Variants in TPR observed in about 807,000 individuals in gnomAD.
TPR encodes translocated promoter region, nuclear basket protein.
Under a neutral mutation model 316.1 loss-of-function variants are expected in TPR, and 51 were observed. That is an observed-to-expected ratio of 0.16 (90% CI 0.13 to 0.20). TPR has a LOEUF of 0.20. TPR is among the 10% of genes least tolerant of loss of function. TPR has a pLI of 1.00. For synonymous variants in TPR, 981 were observed against 914.7 expected, an observed-to-expected ratio of 1.07 and a Z score of -1.31; for missense variants, 2,272 against 2,754.8, an observed-to-expected ratio of 0.82 and a Z score of 3.92.
Position 186,367,969 on chromosome 1 carries a change from C to A in TPR, c.344G>T (p.Arg115Ile). The change falls in exon 4 of 51, where the codon AGA becomes ATA. Residue 115 changes from arginine (R) to isoleucine (I), a missense_variant. This residue lies in a region of TPR where 549 missense variants were observed against 598.6 expected (regional missense o/e 0.92). Transcript: ENST00000367478. ...CTCAGCTTCTAATTCTTCCTTTGTT[C>A]TTGTAAATTGGCTCTGTCATATAAA... ...RNIAIQSQFTRTKEELEAEKR... is the reference protein window; with the variant it reads ...RNIAIQSQFTITKEELEAEKR... 1 of 1,609,584 alleles carries A rather than the reference C, an allele frequency of 6.2e-7. No individual in the cohort carries two copies. The highest frequency in any genetic ancestry group is 1.1e-5 in the South Asian group (1 of 91,012).
intron 40 of TPR, 53 bp from the exon 41 acceptor site, chr1:186,326,288 C>A: frequency 6.5e-7 from 1 of 1,549,976 alleles, no homozygotes; most frequent in Non-Finnish European, 8.7e-7. Flanking sequence ...GGCCCACATG[C>A]TCTGCATGTC....
At chr1:186,318,348 AC>A (rs1427473541) in intron 48 of TPR, 98 bp downstream of exon 48, 2 of 1,473,646 alleles carry the variant, frequency 1.4e-6, no homozygotes, top group Non-Finnish European at 1.8e-6. Flanking sequence ...ACAAAAAAAA[AC>A]AAAACACAAC....
chr1:186,361,298 ATT>A (rs1410439701), intron 9 of TPR, among the ~76,000 whole-genome samples: 1 of 152,002 alleles, frequency 6.6e-6, no homozygotes, highest in African/African-American at 2.4e-5. Flanking sequence ...AGGATGTCTT[ATT>A]TATAAAGTAA....
rs1657929104 is a variant in TPR, at chr1:186,326,270, T to G, written c.5890-35A>C. On this transcript the variant is annotated intron_variant, in intron 40 of 50. Transcript: ENST00000367478. Reference sequence around the variant, plus strand: ...AGTTCCCCAGGCATAAATAAAAGTTTAGAATATGGCCCACATGCTCTGCAT... The same window carrying G: ...AGTTCCCCAGGCATAAATAAAAGTTGAGAATATGGCCCACATGCTCTGCAT... The G allele has an allele frequency of 2.5e-6, 4 of 1,571,778 alleles. No homozygotes were observed. The African/African-American group carries it at 5.4e-5, about 21-fold the overall frequency.
Position 186,318,834 on chromosome 1 carries a change from G to C in TPR, c.6569-6C>G, listed in dbSNP as rs777067069. On this transcript the variant is annotated splice_polypyrimidine_tract_variant and splice_region_variant and intron_variant, in intron 46 of 50. Transcript: ENST00000367478. ...TGTTTCATACATTCCTAAACCTAAA[G>C]ACAATTCTGAATATTAATGAATGAC... 11 of 1,611,860 alleles carry C rather than the reference G, an allele frequency of 6.8e-6. No individual in the cohort carries two copies. The East Asian group carries it at 1.1e-4, about 16-fold the overall frequency.
rs1301562645 is a variant in TPR, at chr1:186,327,473, T to C, written c.5876A>G (p.Asp1959Gly). 6.2e-6 allele frequency: 10 copies of C among 1,610,188 alleles called. No homozygotes were observed. The highest frequency in any genetic ancestry group is 8.5e-6 in the Non-Finnish European group (10 of 1,179,326). Reference sequence around the variant, plus strand: ...AATCAAACTTACCTCATGTTCTCCATCATTTTCATCATCATCCTCTTCTTC... The same window carrying C: ...AATCAAACTTACCTCATGTTCTCCACCATTTTCATCATCATCCTCTTCTTC... ...DDEEEDDDEN[D>G]GEHEDYEEDE... Residue 1959 changes from aspartate to glycine, a missense_variant, in exon 40 of 51, where the codon GAT (aspartate) becomes GGT (glycine). Physicochemically the swap from Asp to Gly is moderately conservative, Grantham distance 94 (BLOSUM62 -1). Around this residue, in one of 10 missense-constraint regions of TPR, gnomAD observed 435 missense variants for 461.1 expected, o/e 0.94. Coordinates refer to ENST00000367478, the MANE Select transcript of TPR (RefSeq NM_003292.3).
At chr1:186,343,105 T>C in intron 27 of TPR, 1 of 428,338 alleles carries the variant, frequency 2.3e-6, no homozygotes. Context: ...AGGCCACAGC[T>C]AATGGTATGA....
At position 186,351,564 on chromosome 1, in the gene TPR, C is replaced by T; in HGVS notation, c.2470-94G>A. ...CAAGAAAGAATTACAATATTACAACCCATTTCTACATGAAGCAGCTAAAAT... is the reference window on the plus strand; with the variant it reads ...CAAGAAAGAATTACAATATTACAACTCATTTCTACATGAAGCAGCTAAAAT... On this transcript the variant is annotated intron_variant, in intron 19 of 50. Coordinates refer to ENST00000367478, the MANE Select transcript of TPR (RefSeq NM_003292.3). 3 of 1,342,528 alleles carry T rather than the reference C, an allele frequency of 2.2e-6. No individual in the cohort carries two copies. The South Asian group carries it at 5.5e-5, about 25-fold the overall frequency. 83.2% of individuals were successfully genotyped at this position (1,342,528 alleles called of 1,614,324 possible). A position where few individuals can be genotyped will look rare whatever the true frequency, so the allele number is the denominator to read the frequency against.
At chr1:186,366,970 T>C (rs1433631351) in intron 4 of TPR, among the ~76,000 whole-genome samples, 1 of 151,486 alleles carries the variant, frequency 6.6e-6, no homozygotes, top group African/African-American at 2.4e-5. Context: ...TGGAATATTA[T>C]TGTATAATGA....
Position 186,313,439 on chromosome 1 carries a change from TA to T in TPR, c.*531del, listed in dbSNP as rs1466449722. On this transcript the variant is annotated 3_prime_UTR_variant, in exon 51 of 51. Transcript: ENST00000367478. ...TGGTTACTCTTTAATGTTTACTTCA[TA>T]AAGGAGAGCTGAACCTGATTTTACA... 5 of 469,422 alleles carry T rather than the reference TA, an allele frequency of 1.1e-5. No individual in the cohort carries two copies. The highest frequency in any genetic ancestry group is 9.7e-5 in the African/African-American group (5 of 51,424). 29.1% of individuals were successfully genotyped at this position (469,422 alleles called of 1,614,324 possible).
intron 5 of TPR, 28 bp downstream of exon 5, chr1:186,363,314 T>C (rs911156228): frequency 6.6e-7 from 1 of 1,514,432 alleles, no homozygotes; most frequent in African/African-American, 1.4e-5. Flanking sequence ...AGCTATAGTT[T>C]ATGCATTAGG....
At chr1:186,349,425 G>A (rs111903500) in intron 21 of TPR, among the ~76,000 whole-genome samples, 28,450 of 151,848 alleles carry the variant, frequency 0.19, 3,033 homozygotes, top group African/African-American at 0.29. Context: ...AGGCCGCGGC[G>A]GGCAGAGCAC....
In TPR at chr1:186,333,273, T is replaced by A. The variant is rs1282991418; in HGVS notation, c.5304A>T (p.Gln1768His). 1.1e-5 allele frequency: 17 copies of A among 1,613,744 alleles called. No individual in the cohort carries two copies. The highest frequency in any genetic ancestry group is 1.4e-5 in the Non-Finnish European group (16 of 1,179,718). The change falls in exon 37 of 51, where the codon CAA becomes CAT. Residue 1768 changes from glutamine (Q) to histidine (H), a missense_variant. Transcript: ENST00000367478. ...SISQPILTVQ[Q>H]QTQATAFVQP... is the part of the protein sequence containing the mutation. ...GCACAAAAGCTGTAGCCTGTGTTTGTTGCTGAACAGTTAAAATAGGTTGAG... is the reference window on the plus strand; with the variant it reads ...GCACAAAAGCTGTAGCCTGTGTTTGATGCTGAACAGTTAAAATAGGTTGAG...
chr1:186,313,727 T>C lies in TPR; in HGVS notation c.*244A>G, dbSNP rs763843974. 1 of 1,610,590 alleles carries C rather than the reference T, an allele frequency of 6.2e-7. No homozygotes were observed. Among genetic ancestry groups the C allele is most frequent in the East Asian group, 2.2e-5 (1 of 44,752 alleles). On this transcript the variant is annotated 3_prime_UTR_variant, in exon 51 of 51. Transcript: ENST00000367478. ...TGCCTAGTAGAACAGCAAGAGCAAT[T>C]ACTACTCGTTCTGGGCAGACCTTAT...
intron 2 of TPR, among the ~76,000 whole-genome samples, chr1:186,372,182 T>C (rs1203850360): frequency 1.3e-5 from 2 of 152,236 alleles, no homozygotes; most frequent in East Asian, 1.9e-4. Context: ...AAAGCTGCAA[T>C]TTTAATCATT....
At chr1:186,353,905 C>A (rs538286411) in intron 17 of TPR, 55 bp from the exon 18 acceptor site, 12 of 1,543,118 alleles carry the variant, frequency 7.8e-6, no homozygotes, top group African/African-American at 1.4e-5. Flanking sequence ...TAGCTTAATC[C>A]CTTGAAGAAA....
chr1:186,368,858 T>G (rs766017960), intron 3 of TPR, among the ~76,000 whole-genome samples: 7 of 152,082 alleles, frequency 4.6e-5, no homozygotes, highest in Non-Finnish European at 7.4e-5. Flanking sequence ...CTATGTTCAC[T>G]TCTCTGAGTT....
At position 186,362,303 on chromosome 1, in the gene TPR, C is replaced by A; in HGVS notation, c.774G>T (p.Leu258Phe). Residue 258 changes from leucine to phenylalanine, a missense_variant, in exon 7 of 51, where the codon TTG becomes TTT. By Grantham distance (22) the Leu-to-Phe change is conservative (BLOSUM62 0). This residue lies in a region of TPR where 549 missense variants were observed against 598.6 expected (regional missense o/e 0.92). Coordinates refer to ENST00000367478, the MANE Select transcript of TPR (RefSeq NM_003292.3). Reference protein sequence around the residue: ...EHLQKHVEDLLTKLKEAKEQQ... With the variant: ...EHLQKHVEDLFTKLKEAKEQQ... ...TCATATATACCTCTTTTAATTTGGT[C>A]AACAGATCCTCCACATGCTTTTGAA... The A allele has an allele frequency of 6.2e-7, 1 of 1,611,836 alleles. No individual in the cohort carries two copies. The highest frequency in any genetic ancestry group is 1.1e-5 in the South Asian group (1 of 90,924).
In TPR at chr1:186,333,335, C is replaced by T. The variant is rs761632630; in HGVS notation, c.5242G>A (p.Val1748Ile). The T allele has an allele frequency of 3.5e-5, 56 of 1,613,484 alleles. No individual in the cohort carries two copies. The highest frequency in any genetic ancestry group is 5.0e-5 in the Admixed American group (3 of 59,910). The change falls in exon 37 of 51, where the codon GTT becomes ATT. Residue 1748 changes from valine to isoleucine, a missense_variant. Coordinates refer to ENST00000367478, the MANE Select transcript of TPR (RefSeq NM_003292.3). ...VPVFGSTSGS[V>I]RSTSPNVQPS... ...TGGACATTAGGACTAGTAGAACGAA[C>T]GGATCCACTTGTGCTTCCAAAAACT...
Sources: gnomAD v4.1 joint callset for allele counts (sites outside exome capture counted in the v4.1 genomes callset) on GRCh38, gnomAD v4.1.1 for gene constraint, gnomAD v4.1.1 regional missense constraint, MANE v1.5 for transcripts, NCBI Gene and HGNC (gene_info 2026-07-23, HGNC 2026-07-21) for gene names.